Variants in SUZ12 observed in about 807,000 individuals in gnomAD.
SUZ12 encodes the protein SUZ12 polycomb repressive complex 2 subunit, also known as polycomb protein SUZ12.
In SUZ12, 17 loss-of-function variants were observed where a neutral mutation model predicts 87.3. That is an observed-to-expected ratio of 0.19 (90% confidence interval 0.13 to 0.29). The LOEUF (loss-of-function observed/expected upper bound fraction) is 0.29, where lower values mean the gene tolerates loss of function less well. Ranked by LOEUF, SUZ12 falls within the 10% of genes least tolerant of loss-of-function variation. The pLI, the probability that SUZ12 is intolerant of heterozygous loss-of-function variation, is 1.00. For missense variants in SUZ12, 526 were observed against 912.2 expected (o/e 0.58, Z 5.45); for synonymous variants, 253 against 312.4 (o/e 0.81, Z 2.01).
rs1221975794 is a variant in SUZ12 at position 31,987,720 on chromosome 17, C to T, written c.1024-600C>T. Among the ~76,000 whole-genome samples the T allele has an allele frequency of 3.9e-5, 6 of 152,202 alleles. No individual in the cohort carries two copies. In the East Asian group the frequency reaches 1.2e-3, roughly 29 times the overall value. On this transcript the variant is annotated intron_variant, in intron 9 of 15. Coordinates refer to ENST00000322652, the MANE Select transcript of SUZ12 (RefSeq NM_015355.4). ...CCGAGGCAGGCAAATCACCTGAGGTCAGGAGTTCAAGACCAGCCTGGCCAA... is the reference window on the plus strand; with the variant it reads ...CCGAGGCAGGCAAATCACCTGAGGTTAGGAGTTCAAGACCAGCCTGGCCAA...
At position 31,988,315 on chromosome 17, in the gene SUZ12, T is replaced by C. The variant is rs1909521444; in HGVS notation, c.1024-5T>C. ...TCCAGTCTTTGCATGTTTTTTATTT[T>C]TTAGAGGCTGCCTCCATTCGAAACA... is the stretch of plus-strand genomic sequence containing the variant. On this transcript the variant is annotated splice_region_variant and splice_polypyrimidine_tract_variant and intron_variant, in intron 9 of 15. Transcript: ENST00000322652. The C allele has an allele frequency of 2.0e-6, 3 of 1,535,938 alleles. No individual in the cohort carries two copies. In the Admixed American group the frequency reaches 6.9e-5, roughly 35 times the overall value.
rs1910150402 is a variant in SUZ12 at position 31,999,487 on chromosome 17, A to G, written c.*484A>G. The G allele has an allele frequency of 4.3e-6, 1 of 231,408 alleles. No homozygotes were observed. The highest frequency in any genetic ancestry group is 8.6e-6 in the Non-Finnish European group (1 of 116,936). The allele number at this position is 231,408 out of a possible 1,614,324, so 14.3% of individuals were successfully genotyped here. On this transcript the variant is annotated 3_prime_UTR_variant, in exon 16 of 16. Transcript: ENST00000322652. ...GAAATTGAAGGATTTTTATGAAATT[A>G]TATTGCATTACTATTTGCAGTCAAA...
At chr17:31,987,576 T>C (rs1446663811) in intron 9 of SUZ12, among the ~76,000 whole-genome samples, 1 of 152,114 alleles carries the variant, frequency 6.6e-6, no homozygotes, top group Non-Finnish European at 1.5e-5. Flanking sequence ...AAAAAAGTAA[T>C]TGGTCACCTA....
chr17:31,970,208 C>G (rs1335990068), intron 5 of SUZ12, among the ~76,000 whole-genome samples: 1 of 152,198 alleles, frequency 6.6e-6, no homozygotes, highest in African/African-American at 2.4e-5. Context: ...ATTTTTGTTA[C>G]TGCATTTAGA....
rs1908695599 is a variant in SUZ12 at position 31,975,636 on chromosome 17, C to T, written c.746C>T (p.Ser249Leu). ...AACAGCCATATGGTGAAGTCTTACT[C>T]GTTGCTATTTAGAGTGACTCGTCCA... is the stretch of plus-strand genomic sequence containing the variant. The part of the protein sequence containing the change: ...PSNSHMVKSY[S>L]LLFRVTRPGR... Residue 249 changes from serine (S) to leucine (L), a missense_variant, in exon 7 of 16, where the codon TCG (serine) becomes TTG (leucine). Around this residue, in one of 9 missense-constraint regions of SUZ12, gnomAD observed 73 missense variants for 133.8 expected, o/e 0.55. Transcript: ENST00000322652. 1.9e-6 allele frequency: 3 copies of T among 1,613,816 alleles called. No individual in the cohort carries two copies. Among genetic ancestry groups the T allele is most frequent in the Non-Finnish European group, 8.5e-7 (1 of 1,179,940 alleles).
At chr17:31,995,522 A>G (rs958172795) in intron 13 of SUZ12, 42 bp from the exon 14 acceptor site, 2 of 1,523,456 alleles carry the variant, frequency 1.3e-6, no homozygotes, top group African/African-American at 1.4e-5. Flanking sequence ...TAGATGGTAT[A>G]CATGTAGAGG....
chr17:31,975,209 T>G (rs546420902), intron 6 of SUZ12, among the ~76,000 whole-genome samples: 2 of 152,352 alleles, frequency 1.3e-5, no homozygotes, highest in South Asian at 4.1e-4. Context: ...AATATACAAC[T>G]GTTTCAGATC....
intron 10 of SUZ12, among the ~76,000 whole-genome samples, chr17:31,989,225 T>C (rs1296569155): frequency 1.2e-4 from 19 of 152,044 alleles, no homozygotes; most frequent in Non-Finnish European, 2.6e-4. Context: ...TGCTGGCCTC[T>C]ATGTGATTAG....
At chr17:31,970,611 G>T (rs1038114254) in intron 5 of SUZ12, among the ~76,000 whole-genome samples, 29 of 151,866 alleles carry the variant, frequency 1.9e-4, no homozygotes, top group Non-Finnish European at 4.1e-4. Context: ...CTGGACAACC[G>T]AGTGAGGCTG....
intron 3 of SUZ12, among the ~76,000 whole-genome samples, chr17:31,946,189 T>A (rs1348414657): frequency 6.6e-6 from 1 of 152,208 alleles, no homozygotes; most frequent in Admixed American, 6.5e-5. Context: ...TTACTATATT[T>A]ACATTAACAT....
intron 8 of SUZ12, among the ~76,000 whole-genome samples, chr17:31,980,870 T>C (rs1909063066): frequency 6.6e-6 from 1 of 152,078 alleles, no homozygotes; most frequent in Non-Finnish European, 1.5e-5. Flanking sequence ...AAATTGTTTT[T>C]AAAATCTCAC....
At chr17:31,948,520 C>T (rs1440208551) in intron 4 of SUZ12, among the ~76,000 whole-genome samples, 2 of 152,048 alleles carry the variant, frequency 1.3e-5, no homozygotes. Context: ...TCACAGCTTA[C>T]GAATTTAGAT....
chr17:31,988,221 C>A, intron 9 of SUZ12, 99 bp from the exon 10 acceptor site: 1 of 1,203,720 alleles, frequency 8.3e-7, no homozygotes, highest in Non-Finnish European at 1.1e-6. Context: ...TCTATTAAGG[C>A]AAATCCACAT....
rs147697832 is a variant in SUZ12 at position 31,998,907 on chromosome 17, A to G, written c.2124A>G (p.Thr708=). 4.8e-5 allele frequency: 78 copies of G among 1,613,558 alleles called. No homozygotes were observed. The African/African-American group carries it at 9.7e-4, about 20-fold the overall frequency. Residue 708 remains threonine (T), a synonymous_variant, in exon 16 of 16, where the codon ACA becomes ACG. Coordinates refer to ENST00000322652, the MANE Select transcript of SUZ12 (RefSeq NM_015355.4). The stretch of plus-strand genomic sequence containing the variant: ...AAATAACTGAAGAACAAAATGGGAC[A>G]GCAAATGGATTTAGTGAAATTAACT... The part of the protein sequence containing the change: ...NEEITEEQNG[T]ANGFSEINSK...
rs12953007 is a variant in SUZ12, at chr17:31,951,698, G to T, written c.455+4013G>T. Among the ~76,000 whole-genome samples the T allele has an allele frequency of 8.6e-3, 1,295 of 150,888 alleles. 24 individuals carry two copies. The highest frequency in any genetic ancestry group is 0.03 in the African/African-American group (1,233 of 41,038). On this transcript the variant is annotated intron_variant, in intron 4 of 15. Transcript: ENST00000322652. ...TCACCATGTTAGCCAGGATGGTCTC[G>T]ATCTCCTGACCTCGTGATCCACCCG... is the stretch of plus-strand genomic sequence containing the variant.
chr17:31,963,508 TG>T (rs1283914734), intron 4 of SUZ12, among the ~76,000 whole-genome samples: 4 of 128,686 alleles, frequency 3.1e-5, no homozygotes, highest in Non-Finnish European at 4.5e-5. Context: ...TGTTTTGTTT[TG>T]TTTTTTGAGA....
intron 8 of SUZ12, among the ~76,000 whole-genome samples, chr17:31,979,651 C>G (rs2449792): frequency 6.6e-6 from 1 of 152,124 alleles, no homozygotes; most frequent in Admixed American, 6.5e-5. Flanking sequence ...GTGATGTGTT[C>G]TTTACGTACT....
At chr17:31,995,870 A>C in intron 14 of SUZ12, 108 bp downstream of exon 14, 1 of 853,518 alleles carries the variant, frequency 1.2e-6, no homozygotes, top group East Asian at 2.7e-5. Flanking sequence ...TTTAAAAAAA[A>C]AAAAAGGAAT....
chr17:31,990,303 G>A (rs781335049), intron 10 of SUZ12, among the ~76,000 whole-genome samples: 1 of 151,214 alleles, frequency 6.6e-6, no homozygotes. Context: ...GTAGAGATGG[G>A]GTTTCACCGT....
Sources: allele counts gnomAD v4.1 joint callset (sites outside exome capture counted in the v4.1 genomes callset), GRCh38; gene constraint gnomAD v4.1.1; regional missense constraint gnomAD v4.1.1; transcripts MANE v1.5; gene names NCBI Gene and HGNC (gene_info 2026-07-23, HGNC 2026-07-21).